C3orf20: variants seen among roughly 807,000 people sequenced by gnomAD.
C3orf20 encodes family with sequence similarity 149 member C.
Under a neutral mutation model 88.3 loss-of-function variants are expected in C3orf20, and 76 were observed. That is an observed-to-expected ratio of 0.86 (90% CI 0.72 to 1.04). The LOEUF (loss-of-function observed/expected upper bound fraction) is 1.04. Ranked by LOEUF, C3orf20 falls within the 50% of genes least tolerant of loss-of-function variation. The pLI, the probability that C3orf20 is intolerant of heterozygous loss-of-function variation, is 0.00. For missense variants in C3orf20, 1,056 were observed against 1,123.3 expected (o/e 0.94, Z 0.86); for synonymous variants, 436 against 437.4 (o/e 1.00, Z 0.04).
chr3:14,719,955 A>C (rs2034087234), intron 9 of C3orf20, among the ~76,000 whole-genome samples: 1 of 152,182 alleles, frequency 6.6e-6, no homozygotes, highest in South Asian at 2.1e-4. Flanking sequence ...CCGTGGCTCT[A>C]TACTACATCT....
intron 12 of C3orf20, among the ~76,000 whole-genome samples, chr3:14,745,355 A>G (rs953343870): frequency 6.6e-6 from 1 of 152,200 alleles, no homozygotes; most frequent in East Asian, 1.9e-4. Flanking sequence ...GCAAAACCCA[A>G]CTAGAGTTTC....
chr3:14,764,065 A>G lies in C3orf20; in HGVS notation c.2495+2450A>G, dbSNP rs143937018. ...AACTATAAACACATGTAAACCAGACACACATGTACACACATTAGATTCCTG... is the reference window on the plus strand; with the variant it reads ...AACTATAAACACATGTAAACCAGACGCACATGTACACACATTAGATTCCTG... On this transcript the variant is annotated intron_variant, in intron 15 of 16. Coordinates refer to ENST00000253697, the MANE Select transcript of C3orf20 (RefSeq NM_032137.5). 2.2e-3 allele frequency among the ~76,000 whole-genome samples: 329 copies of G among 152,312 alleles called. 1 individual carries two copies. Among genetic ancestry groups the G allele is most frequent in the African/African-American group, 7.6e-3 (316 of 41,554 alleles).
chr3:14,698,519 A>C (rs2033108364), intron 5 of C3orf20, among the ~76,000 whole-genome samples: 1 of 152,258 alleles, frequency 6.6e-6, no homozygotes, highest in Non-Finnish European at 1.5e-5. Flanking sequence ...CGGTTCTTGC[A>C]GACTCAGAGA....
At chr3:14,714,507 C>T (rs2033871370) in intron 8 of C3orf20, among the ~76,000 whole-genome samples, 1 of 152,182 alleles carries the variant, frequency 6.6e-6, no homozygotes, top group South Asian at 2.1e-4. Flanking sequence ...GAAGGAGAGG[C>T]ATGAACACAC....
chr3:14,768,223 A>G lies in C3orf20; in HGVS notation c.2496-3844A>G, dbSNP rs2035768908. ...AGACTGGGTCTCTAGTTGGATCAGCAGTGCAGGGGGCCCACACCCTCGTCC... is the reference window on the plus strand; with the variant it reads ...AGACTGGGTCTCTAGTTGGATCAGCGGTGCAGGGGGCCCACACCCTCGTCC... On this transcript the variant is annotated intron_variant, in intron 15 of 16. Coordinates refer to ENST00000253697, the MANE Select transcript of C3orf20 (RefSeq NM_032137.5). The surrounding 1 kb of genome is among the most constrained non-coding windows in gnomAD (Gnocchi z 4.1). 6.6e-6 allele frequency among the ~76,000 whole-genome samples: 1 copy of G among 152,066 alleles called. No individual in the cohort carries two copies. Among genetic ancestry groups the G allele is most frequent in the South Asian group, 2.1e-4 (1 of 4,814 alleles).
chr3:14,749,175 G>A (rs948189792), intron 12 of C3orf20, among the ~76,000 whole-genome samples: 1 of 152,136 alleles, frequency 6.6e-6, no homozygotes, highest in Non-Finnish European at 1.5e-5. Flanking sequence ...TCTAGATAGA[G>A]TAACTGTCTT....
intron 1 of C3orf20, among the ~76,000 whole-genome samples, chr3:14,679,264 G>A (rs142274419): frequency 2.6e-5 from 4 of 152,294 alleles, no homozygotes; most frequent in African/African-American, 9.6e-5. Context: ...TCATTGTTGA[G>A]TTACTTTAGG....
chr3:14,703,194 C>T lies in C3orf20; in HGVS notation c.810C>T (p.Ala270=), dbSNP rs1489251107. 1 of 1,614,208 alleles carries T rather than the reference C, an allele frequency of 6.2e-7. No homozygotes were observed. Among genetic ancestry groups the T allele is most frequent in the Non-Finnish European group, 8.5e-7 (1 of 1,180,044 alleles). The change falls in exon 6 of 17, where the codon GCC becomes GCT. Residue 270 remains alanine (A), a synonymous_variant. Coordinates refer to ENST00000253697, the MANE Select transcript of C3orf20 (RefSeq NM_032137.5). The part of the protein sequence containing the change: ...PPLHRGVGTP[A]NSLEFSDPCP... ...TGCATCGAGGAGTGGGAACCCCTGC[C>T]AACAGCCTGGAGTTCAGCGACCCCT...
At chr3:14,710,355 C>A in intron 7 of C3orf20, among the ~76,000 whole-genome samples, 1 of 151,980 alleles carries the variant, frequency 6.6e-6, no homozygotes. Context: ...TTTCTCCACT[C>A]TGATTCTTTA....
At chr3:14,698,806 A>T (rs28775283) in intron 5 of C3orf20, among the ~76,000 whole-genome samples, 27,401 of 152,138 alleles carry the variant, frequency 0.18, 2,645 homozygotes, top group Non-Finnish European at 0.21. Flanking sequence ...GGCCCTAGGG[A>T]TCTACAATCA....
chr3:14,689,199 T>A (rs2032591152), intron 4 of C3orf20, among the ~76,000 whole-genome samples: 1 of 152,190 alleles, frequency 6.6e-6, no homozygotes, highest in South Asian at 2.1e-4. Context: ...TTAGTTCTTT[T>A]CATTTCTACC....
chr3:14,720,039 TG>T (rs1199475565), intron 9 of C3orf20, among the ~76,000 whole-genome samples: 1 of 152,172 alleles, frequency 6.6e-6, no homozygotes, highest in Non-Finnish European at 1.5e-5. Flanking sequence ...TTTTGTTTTT[TG>T]TTTTTTTGAG....
At chr3:14,759,841 A>G in intron 13 of C3orf20, 50 bp from the exon 14 acceptor site, 4 of 1,469,792 alleles carry the variant, frequency 2.7e-6, no homozygotes, top group Non-Finnish European at 2.9e-6. Flanking sequence ...CAATCCAGGT[A>G]CATCTTATTG....
At chr3:14,751,153 C>G (rs1234414760) in intron 12 of C3orf20, among the ~76,000 whole-genome samples, 2 of 152,122 alleles carry the variant, frequency 1.3e-5, no homozygotes, top group Admixed American at 1.3e-4. Context: ...TAATTCTTGT[C>G]TCTTTATTGA....
chr3:14,719,293 G>C (rs1278048137), intron 9 of C3orf20, among the ~76,000 whole-genome samples: 1 of 152,114 alleles, frequency 6.6e-6, no homozygotes, highest in Non-Finnish European at 1.5e-5. Flanking sequence ...GAGACCAGTG[G>C]GTGGGCTAGT....
intron 7 of C3orf20, among the ~76,000 whole-genome samples, chr3:14,710,433 A>G (rs1322131683): frequency 2.0e-5 from 3 of 152,048 alleles, no homozygotes; most frequent in Non-Finnish European, 2.9e-5. Context: ...AAGGTAGAAA[A>G]TTGGGTTATT....
chr3:14,734,717 A>G (rs1178965059), intron 12 of C3orf20, among the ~76,000 whole-genome samples: 1 of 152,102 alleles, frequency 6.6e-6, no homozygotes, highest in Non-Finnish European at 1.5e-5. Flanking sequence ...AATTTAATTT[A>G]TTAATCATAT....
chr3:14,699,674 A>G (rs1210956259), intron 5 of C3orf20, among the ~76,000 whole-genome samples: 2 of 152,204 alleles, frequency 1.3e-5, no homozygotes, highest in African/African-American at 2.4e-5. Flanking sequence ...CCTCAAGTGG[A>G]AGAAAGGGGT....
At chr3:14,741,240 G>A (rs764302643) in intron 12 of C3orf20, among the ~76,000 whole-genome samples, 4 of 151,910 alleles carry the variant, frequency 2.6e-5, no homozygotes, top group African/African-American at 4.8e-5. Flanking sequence ...ATAGCTCTTC[G>A]GGTCCTCAAC....
Sources: gnomAD v4.1 joint callset for allele counts (sites outside exome capture counted in the v4.1 genomes callset) on GRCh38, gnomAD v4.1.1 for gene constraint, Gnocchi (gnomAD v3.1) non-coding constraint, MANE v1.5 for transcripts, NCBI Gene and HGNC (gene_info 2026-07-23, HGNC 2026-07-21) for gene names.